ZNF782: variants seen among roughly 807,000 people sequenced by gnomAD.
The protein encoded by ZNF782 is zinc finger protein 782.
ZNF782 carries 12 observed loss-of-function variants against 13.0 expected under a neutral mutation model. The observed-to-expected ratio is 0.92, with a 90% CI of 0.59 to 1.50. The LOEUF is 1.50. Among genes scored for constraint, ZNF782 ranks in the 40% most tolerant of loss-of-function variants. The probability of loss-of-function intolerance (pLI) is 0.00; values close to 1 mark genes in which losing one functional copy is unlikely to be tolerated. For missense variants in ZNF782, 770 were observed against 822.9 expected, an observed-to-expected ratio of 0.94 and a Z score of 0.79; for synonymous variants, 284 against 283.0, an observed-to-expected ratio of 1.00 and a Z score of -0.04.
chr9:96,917,898 G>C, the ZNF782 span, among the ~76,000 whole-genome samples: 112 of 144,372 alleles, frequency 7.8e-4, no homozygotes, highest in African/African-American at 2.4e-3. Context: ...GTGTGTGTGT[G>C]TGTGTGTGTG....
the ZNF782 span, chr9:96,891,852 G>C: frequency 1.3e-5 from 2 of 152,204 alleles, no homozygotes; most frequent in African/African-American, 4.8e-5. Context: ...CCTCTGTTAA[G>C]ATTTTTAAGA....
intron 1 of ZNF782, among the ~76,000 whole-genome samples, chr9:96,868,918 G>C (rs1851792769): frequency 6.6e-6 from 1 of 152,166 alleles, no homozygotes; most frequent in African/African-American, 2.4e-5. Flanking sequence ...TGGGAAACCA[G>C]TTCTCCCACT....
upstream of ZNF782, among the ~76,000 whole-genome samples, chr9:96,876,861 C>T (rs112822929): frequency 0.034 from 4,312 of 127,354 alleles, 223 homozygotes; most frequent in African/African-American, 0.12. Flanking sequence ...AAAAAATTAG[C>T]GGGGTGTGGT....
At chr9:96,843,152 TA>T (rs1851238925) in intron 4 of ZNF782, among the ~76,000 whole-genome samples, 1 of 152,086 alleles carries the variant, frequency 6.6e-6, no homozygotes, top group African/African-American at 2.4e-5. Flanking sequence ...TCTTAAAGAA[TA>T]AAACATAACT....
At chr9:96,871,168 T>G (rs1384289497) in intron 1 of ZNF782, among the ~76,000 whole-genome samples, 1 of 152,148 alleles carries the variant, frequency 6.6e-6, no homozygotes, top group Non-Finnish European at 1.5e-5. Context: ...GTCCTGAAAG[T>G]TTCAGGACAG....
chr9:96,899,016 CCT>C, the ZNF782 span, among the ~76,000 whole-genome samples: 7 of 148,790 alleles, frequency 4.7e-5, no homozygotes, highest in East Asian at 1.6e-3. Context: ...CTTTCCACTC[CCT>C]GTCCCCCAAA....
Position 96,819,295 on chromosome 9 carries a change from TA to T in ZNF782, c.727del (p.Tyr243ThrfsTer22). ...SNSTHPKGKS[Y>X]NFNKFGENKY... The stretch of plus-strand genomic sequence containing the variant: ...GTTTTCCCCAAATTTATTGAAATTG[TA>T]AGATTTTCCTTTTGGGTGGGTACTG... On this transcript the variant is annotated frameshift_variant, in exon 6 of 6. Transcript: ENST00000481138. LOFTEE classifies it low-confidence loss of function (END_TRUNC). 1 of 1,612,834 alleles carries T rather than the reference TA, an allele frequency of 6.2e-7. No homozygotes were observed. Among genetic ancestry groups the T allele is most frequent in the Non-Finnish European group, 8.5e-7 (1 of 1,179,686 alleles).
intron 3 of ZNF782, 135 bp downstream of exon 3, chr9:96,851,812 A>G: frequency 5.6e-6 from 5 of 887,322 alleles, no homozygotes; most frequent in Non-Finnish European, 8.8e-6. Context: ...CTGACAGCAG[A>G]GTTCATGGTG....
At chr9:96,853,210 T>C (rs1251047002) in intron 1 of ZNF782, 141 bp from the exon 2 acceptor site, 1 of 152,610 alleles carries the variant, frequency 6.6e-6, no homozygotes, top group Non-Finnish European at 1.5e-5. Flanking sequence ...TAGCCCATTT[T>C]GCTCTTCTCA....
chr9:96,849,122 G>GA (rs1851420856), intron 3 of ZNF782, among the ~76,000 whole-genome samples: 1 of 152,200 alleles, frequency 6.6e-6, no homozygotes, highest in Admixed American at 6.5e-5. Context: ...TTGGCACCAG[G>GA]AACTGGTTTC....
the ZNF782 span, among the ~76,000 whole-genome samples, chr9:96,927,224 C>G: frequency 5.3e-5 from 8 of 152,112 alleles, no homozygotes; most frequent in Non-Finnish European, 1.2e-4. Context: ...TTCACACATG[C>G]GAGGGGATGC....
the ZNF782 span, among the ~76,000 whole-genome samples, chr9:96,927,540 G>C: frequency 6.6e-6 from 1 of 152,134 alleles, no homozygotes; most frequent in Non-Finnish European, 1.5e-5. Context: ...ATTCACACTT[G>C]AGTCTCCTTA....
At chr9:96,905,080 C>T in the ZNF782 span, among the ~76,000 whole-genome samples, 1 of 148,450 alleles carries the variant, frequency 6.7e-6, no homozygotes, top group Non-Finnish European at 1.5e-5. Flanking sequence ...TGAGCCAGAG[C>T]AACTCCATCT....
Position 96,819,033 on chromosome 9 carries a change from T to C in ZNF782, c.990A>G (p.Arg330=). 1 of 1,614,198 alleles carries C rather than the reference T, an allele frequency of 6.2e-7. No individual in the cohort carries two copies. The highest frequency in any genetic ancestry group is 8.5e-7 in the Non-Finnish European group (1 of 1,180,028). The part of the protein sequence containing the change: ...NRNSTLPVHQ[R]THATDKYSDY... Reference sequence around the variant, plus strand: ...CAGAGTATTTATCTGTTGCATGAGTTCTCTGATGCACTGGGAGGGTTGAAT... The same window carrying C: ...CAGAGTATTTATCTGTTGCATGAGTCCTCTGATGCACTGGGAGGGTTGAAT... The change falls in exon 6 of 6, where the codon AGA becomes AGG. Residue 330 remains arginine (R), a synonymous_variant. Coordinates refer to ENST00000481138, the MANE Select transcript of ZNF782 (RefSeq NM_001001662.3).
rs111731626 is a variant in ZNF782, at chr9:96,819,658, T to C, written c.365A>G (p.His122Arg). 1 of 1,613,992 alleles carries C rather than the reference T, an allele frequency of 6.2e-7. No homozygotes were observed. The highest frequency in any genetic ancestry group is 8.5e-7 in the Non-Finnish European group (1 of 1,180,026). The change falls in exon 6 of 6, where the codon CAT (histidine) becomes CGT (arginine). Residue 122 changes from histidine to arginine, a missense_variant. His to Arg is a conservative substitution (Grantham distance 29). Transcript: ENST00000481138. ...ACGAAAAATGTTTATGTCTCGATTA[T>C]GTGGTTTTCCTGAAATTTCTTGCTC... is the stretch of plus-strand genomic sequence containing the variant. ...TTEQEISGKP[H>R]NRDINIFRAR...
chr9:96,887,304 A>AGGAAGGAAGGAG, the ZNF782 span: 1 of 126,844 alleles, frequency 7.9e-6, no homozygotes, highest in Non-Finnish European at 1.8e-5. Flanking sequence ...GAAGGAAGGA[A>AGGAAGGAAGGAG]GGAAGGAAGG....
At position 96,850,749 on chromosome 9, in the gene ZNF782, G is replaced by T. The variant is rs1267073829; in HGVS notation, c.15+1198C>A. On this transcript the variant is annotated intron_variant, in intron 3 of 5. Coordinates refer to ENST00000481138, the MANE Select transcript of ZNF782 (RefSeq NM_001001662.3). This position sits in a 1 kb window ranked among gnomAD's most constrained non-coding sequence, Gnocchi z 4.3. ...GTCTTGCTCTTTCATTTTAGTTAAG[G>T]CCTGTCTTGACTTCTTTTAGACCCT... Among the ~76,000 whole-genome samples the T allele has an allele frequency of 6.6e-6, 1 of 151,994 alleles. No individual in the cohort carries two copies. The highest frequency in any genetic ancestry group is 2.4e-5 in the African/African-American group (1 of 41,386).
intron 4 of ZNF782, among the ~76,000 whole-genome samples, chr9:96,831,926 C>T (rs1850816146): frequency 6.6e-6 from 1 of 152,106 alleles, no homozygotes; most frequent in South Asian, 2.1e-4. Flanking sequence ...AGATGGCATA[C>T]ATTTAGGTGA....
chr9:96,826,887 G>A (rs1850640593), intron 5 of ZNF782, among the ~76,000 whole-genome samples, 193 bp downstream of exon 5: 1 of 152,174 alleles, frequency 6.6e-6, no homozygotes, highest in Non-Finnish European at 1.5e-5. Flanking sequence ...TGTGCTTGGG[G>A]AACTATCTGA....
Sources: allele counts gnomAD v4.1 joint callset (sites outside exome capture counted in the v4.1 genomes callset), GRCh38; gene constraint gnomAD v4.1.1; non-coding constraint Gnocchi (gnomAD v3.1); transcripts MANE v1.5; gene names NCBI Gene and HGNC (gene_info 2026-07-23, HGNC 2026-07-21).